HAVCR1: variants seen among roughly 807,000 people sequenced by gnomAD.
HAVCR1 encodes the protein T cell immunoglobin domain and mucin domain protein 1.
Under a neutral mutation model 32.0 loss-of-function variants are expected in HAVCR1, and 34 were observed. The ratio of observed to expected loss-of-function variants is 1.06; its 90% CI spans 0.81 to 1.42. The LOEUF (loss-of-function observed/expected upper bound fraction) is 1.42. HAVCR1 is among the 40% of genes most tolerant of loss of function. The pLI, the probability that HAVCR1 is intolerant of heterozygous loss-of-function variation, is 0.00. For missense variants in HAVCR1, 420 were observed against 442.3 expected, an observed-to-expected ratio of 0.95 and a Z score of 0.45; for synonymous variants, 178 against 170.3, an observed-to-expected ratio of 1.05 and a Z score of -0.35.
intron 8 of HAVCR1, among the ~76,000 whole-genome samples, chr5:157,030,763 T>C (rs901358871): frequency 1.3e-5 from 2 of 152,220 alleles, no homozygotes; most frequent in African/African-American, 4.8e-5. Context: ...TTGTATATAG[T>C]GACTATTTGT....
chr5:157,050,251 G>C (rs977677301), intron 4 of HAVCR1, among the ~76,000 whole-genome samples: 1 of 152,204 alleles, frequency 6.6e-6, no homozygotes, highest in African/African-American at 2.4e-5. Context: ...AACAACACAG[G>C]AGAGTCACGT....
At chr5:157,058,683 C>G (rs569344403) in intron 1 of HAVCR1, among the ~76,000 whole-genome samples, 1 of 152,358 alleles carries the variant, frequency 6.6e-6, no homozygotes, top group Non-Finnish European at 1.5e-5. Context: ...ACTTGCTTTT[C>G]AGAGTAAACT....
chr5:157,049,284 G>T, intron 4 of HAVCR1, 139 bp from the exon 5 acceptor site: 1 of 666,538 alleles, frequency 1.5e-6, no homozygotes, highest in East Asian at 2.7e-5. Context: ...CAGTGGGCAT[G>T]CAGGGCTTCT....
chr5:157,042,134 T>C (rs952972922), intron 6 of HAVCR1, among the ~76,000 whole-genome samples: 13 of 152,134 alleles, frequency 8.5e-5, no homozygotes, highest in Non-Finnish European at 1.8e-4. Flanking sequence ...AAGTACGCTA[T>C]TCAGTAACAT....
intron 7 of HAVCR1, among the ~76,000 whole-genome samples, chr5:157,034,689 C>A (rs1754422666): frequency 6.6e-6 from 1 of 152,056 alleles, no homozygotes; most frequent in South Asian, 2.1e-4. Flanking sequence ...GTCCCTGAGG[C>A]CTTCCGCAGT....
intron 3 of HAVCR1, among the ~76,000 whole-genome samples, 200 bp from the exon 4 acceptor site, chr5:157,052,854 A>G (rs1755850714): frequency 6.6e-6 from 1 of 152,210 alleles, no homozygotes; most frequent in Non-Finnish European, 1.5e-5. Flanking sequence ...TCCAAAAGAA[A>G]AGCAGATGTA....
intron 2 of HAVCR1, among the ~76,000 whole-genome samples, chr5:157,056,415 T>C (rs1434684769): frequency 2.0e-5 from 3 of 150,792 alleles, no homozygotes; most frequent in African/African-American, 4.9e-5. Context: ...AGTCTTGCTC[T>C]GTCGCCCAGG....
chr5:157,066,455 T>C, the HAVCR1 span, among the ~76,000 whole-genome samples: 1 of 147,150 alleles, frequency 6.8e-6, no homozygotes, highest in African/African-American at 2.5e-5. Flanking sequence ...CAGTGAGATA[T>C]GGTAGTACTA....
chr5:157,038,033 T>A, intron 6 of HAVCR1, among the ~76,000 whole-genome samples: 1 of 93,518 alleles, frequency 1.1e-5, no homozygotes, highest in African/African-American at 2.9e-5. Context: ...GAAAAAAAAA[T>A]TGTTTATATA....
chr5:157,045,441 G>A (rs990862735), intron 5 of HAVCR1, among the ~76,000 whole-genome samples: 1 of 152,106 alleles, frequency 6.6e-6, no homozygotes, highest in African/African-American at 2.4e-5. Flanking sequence ...GGAGTGGGGA[G>A]GAGGGAGGGA....
At position 157,050,692 on chromosome 5, in the gene HAVCR1, A is replaced by G. The variant is rs146539436; in HGVS notation, c.674-1547T>C. 1.1e-3 allele frequency among the ~76,000 whole-genome samples: 167 copies of G among 152,324 alleles called. 1 individual carries two copies. Among genetic ancestry groups the G allele is most frequent in the African/African-American group, 3.8e-3 (160 of 41,574 alleles). On this transcript the variant is annotated intron_variant, in intron 4 of 8. Coordinates refer to ENST00000523175, the MANE Select transcript of HAVCR1 (RefSeq NM_001173393.3). Reference sequence around the variant, plus strand: ...ACCAGTCCACTAATCCATCCACCTTAGCAGACACAAGCTAAGTATTAGAAA... The same window carrying G: ...ACCAGTCCACTAATCCATCCACCTTGGCAGACACAAGCTAAGTATTAGAAA...
At chr5:157,046,888 G>T (rs1278093508) in intron 5 of HAVCR1, among the ~76,000 whole-genome samples, 2 of 152,094 alleles carry the variant, frequency 1.3e-5, no homozygotes, top group Non-Finnish European at 2.9e-5. Flanking sequence ...ACCTAATCAT[G>T]CTCCGAAGGC....
intron 5 of HAVCR1, among the ~76,000 whole-genome samples, chr5:157,048,006 C>T (rs1315454540): frequency 1.3e-5 from 2 of 152,132 alleles, no homozygotes; most frequent in African/African-American, 2.4e-5. Context: ...TCCACACATT[C>T]GGTCACAGAA....
At chr5:157,039,344 A>G (rs1293117199) in intron 6 of HAVCR1, among the ~76,000 whole-genome samples, 2 of 152,122 alleles carry the variant, frequency 1.3e-5, no homozygotes, top group Non-Finnish European at 2.9e-5. Context: ...TCTATAACCT[A>G]TGTCAGTAAA....
At chr5:157,042,945 A>T (rs941493686) in intron 5 of HAVCR1, among the ~76,000 whole-genome samples, 3 of 152,220 alleles carry the variant, frequency 2.0e-5, no homozygotes, top group Admixed American at 6.5e-5. Context: ...ATGCATGTGC[A>T]CACACATGAA....
the HAVCR1 span, among the ~76,000 whole-genome samples, chr5:157,065,794 G>A: frequency 2.6e-5 from 4 of 151,972 alleles, no homozygotes; most frequent in East Asian, 5.8e-4. Context: ...GGCAGAGGTC[G>A]CAGTGAGCCG....
chr5:157,063,332 C>T (rs1331630471), upstream of HAVCR1, among the ~76,000 whole-genome samples: 2 of 138,092 alleles, frequency 1.4e-5, no homozygotes, highest in Non-Finnish European at 3.1e-5. Context: ...TTTGCCCAGG[C>T]TGGAGGGCAA....
At chr5:157,066,189 C>T in the HAVCR1 span, among the ~76,000 whole-genome samples, 1 of 151,644 alleles carries the variant, frequency 6.6e-6, no homozygotes, top group East Asian at 1.9e-4. Flanking sequence ...GAACAGGCAG[C>T]AATCATGAGT....
At chr5:157,036,864 T>G (rs1268570343) in intron 7 of HAVCR1, among the ~76,000 whole-genome samples, 1 of 151,066 alleles carries the variant, frequency 6.6e-6, no homozygotes, top group African/African-American at 2.4e-5. Flanking sequence ...TTTTTTTGTT[T>G]GTTTGTTTTG....
Sources: gnomAD v4.1 joint callset for allele counts (sites outside exome capture counted in the v4.1 genomes callset) on GRCh38, gnomAD v4.1.1 for gene constraint, MANE v1.5 for transcripts, NCBI Gene and HGNC (gene_info 2026-07-23, HGNC 2026-07-21) for gene names.